SDHD: variants seen among roughly 807,000 people sequenced by gnomAD.
SDHD encodes the protein succinate dehydrogenase complex subunit D.
A neutral mutation model predicts 18.7 loss-of-function variants in SDHD; 6 were observed. That is an observed-to-expected ratio of 0.32 (90% CI 0.18 to 0.63). The LOEUF (loss-of-function observed/expected upper bound fraction) is 0.63. Ranked by LOEUF, SDHD falls within the 30% of genes least tolerant of loss-of-function variation. SDHD has a pLI of 0.79. For synonymous variants in SDHD, 56 were observed against 73.9 expected (o/e 0.76, Z 1.24); for missense variants, 160 against 192.7 (o/e 0.83, Z 1.00).
Position 112,089,177 on chromosome 11 carries a change from C to G in SDHD, c.314+166C>G, listed in dbSNP as rs181346227. 5 of 676,584 alleles carry G rather than the reference C, an allele frequency of 7.4e-6. No individual in the cohort carries two copies. The East Asian group carries it at 1.4e-4, about 19-fold the overall frequency. The allele number at this position is 676,584 out of a possible 1,614,324, so 41.9% of individuals were successfully genotyped here. On this transcript the variant is annotated intron_variant, in intron 3 of 3. Transcript: ENST00000375549. ...TGCCTAGATTTATATATCTGCCTGC[C>G]TATTCAATGTCTTTCAATTCGATTT...
In SDHD at chr11:112,086,933, C is replaced by A; in HGVS notation, c.26C>A (p.Ala9Asp). 6.2e-7 allele frequency: 1 copy of A among 1,614,176 alleles called. No individual in the cohort carries two copies. Among genetic ancestry groups the A allele is most frequent in the Non-Finnish European group, 8.5e-7 (1 of 1,180,038 alleles). Residue 9 changes from alanine to aspartate, a missense_variant, in exon 1 of 4, where the codon GCC becomes GAC. Physicochemically the swap from Ala to Asp is moderately radical, Grantham distance 126 (BLOSUM62 -2). Coordinates refer to ENST00000375549, the MANE Select transcript of SDHD (RefSeq NM_003002.4). ...ATGGCGGTTCTCTGGAGGCTGAGTG[C>A]CGTTTGCGGTGCCCTAGGAGGCCGA... MAVLWRLS[A>D]VCGALGGRAL...
chr11:112,088,832 C>T (rs201075295), intron 2 of SDHD, 35 bp from the exon 3 acceptor site: 3 of 1,611,620 alleles, frequency 1.9e-6, no homozygotes, highest in Admixed American at 1.7e-5. Flanking sequence ...GTGTGTTTCT[C>T]ACATCAACTT....
rs878854590 is a variant in SDHD at position 112,088,868 on chromosome 11, TG to T, written c.173del (p.Gly58AlafsTer28). On this transcript the variant is annotated frameshift_variant and splice_region_variant, in exon 3 of 4. Transcript: ENST00000375549. LOFTEE classifies it high-confidence loss of function. ...HIHLSPSHHS[G>X]SKAASLHWTS... ...TTATGAATCTGGTCCTTTTTGTAGC[TG>T]GCTCCAAGGCTGCATCTCTCCACTG... 6.2e-7 allele frequency: 1 copy of T among 1,612,220 alleles called. No individual in the cohort carries two copies. Among genetic ancestry groups the T allele is most frequent in the Non-Finnish European group, 8.5e-7 (1 of 1,179,886 alleles).
rs777286603 is a variant in SDHD at position 112,088,345 on chromosome 11, G to A, written c.169+372G>A. On this transcript the variant is annotated intron_variant, in intron 2 of 3. Transcript: ENST00000375549. ...CTCCCGACTAGCTGGGATTACAGGC[G>A]CCCACCACCATGCCCAGCTAAGTTT... is the stretch of plus-strand genomic sequence containing the variant. The A allele has an allele frequency of 3.2e-5, 11 of 348,458 alleles. 1 individual carries two copies. Among genetic ancestry groups the A allele is most frequent in the South Asian group, 6.8e-5 (3 of 43,838 alleles). 21.6% of individuals were successfully genotyped at this position (348,458 alleles called of 1,614,324 possible).
chr11:112,090,201 A>G (rs1286004342), intron 3 of SDHD, among the ~76,000 whole-genome samples: 1 of 152,076 alleles, frequency 6.6e-6, no homozygotes, highest in Non-Finnish European at 1.5e-5. Context: ...TCCGCCTCCC[A>G]GGTACAAGCG....
At chr11:112,089,826 T>TA (rs1266507274) in intron 3 of SDHD, among the ~76,000 whole-genome samples, 1 of 152,230 alleles carries the variant, frequency 6.6e-6, no homozygotes, top group African/African-American at 2.4e-5. Flanking sequence ...TTCTCAATAG[T>TA]ACTTACTGCC....
rs1592780438 is a variant in SDHD, at chr11:112,088,913, C to G, written c.216C>G (p.Val72=). 3 of 1,613,064 alleles carry G rather than the reference C, an allele frequency of 1.9e-6. No homozygotes were observed. The highest frequency in any genetic ancestry group is 2.5e-6 in the Non-Finnish European group (3 of 1,179,966). Residue 72 remains valine (V), a synonymous_variant, in exon 3 of 4, where the codon GTC becomes GTG. Coordinates refer to ENST00000375549, the MANE Select transcript of SDHD (RefSeq NM_003002.4). ...TCCACTGGACTAGCGAGAGGGTTGTCAGTGTTTTGCTCCTGGGTCTGCTTC... is the reference window on the plus strand; with the variant it reads ...TCCACTGGACTAGCGAGAGGGTTGTGAGTGTTTTGCTCCTGGGTCTGCTTC... ...ASLHWTSERV[V]SVLLLGLLPA... is the part of the protein sequence containing the mutation.
In SDHD at chr11:112,094,806, G is replaced by A. The variant is rs1865808938; in HGVS notation, c.316G>A (p.Gly106Ser). The A allele has an allele frequency of 6.2e-7, 1 of 1,611,250 alleles. No individual in the cohort carries two copies. Among genetic ancestry groups the A allele is most frequent in the South Asian group, 1.1e-5 (1 of 90,908 alleles). Residue 106 changes from glycine to serine, a missense_variant and splice_region_variant, in exon 4 of 4, where the codon GGC becomes AGC. Transcript: ENST00000375549. ...AAALTLHGHW[G>S]LGQVVTDYVH... is the part of the protein sequence containing the mutation. Reference sequence around the variant, plus strand: ...TTATGATTTTTTCTTTTTCTTTAGGGGCCTTGGACAAGTTGTTACTGACTA... The same window carrying A: ...TTATGATTTTTTCTTTTTCTTTAGGAGCCTTGGACAAGTTGTTACTGACTA...
chr11:112,089,584 C>G (rs539373307), intron 3 of SDHD, among the ~76,000 whole-genome samples: 1 of 152,334 alleles, frequency 6.6e-6, no homozygotes, highest in East Asian at 1.9e-4. Context: ...TGCTCTCTCT[C>G]TCATTCACAC....
intron 3 of SDHD, among the ~76,000 whole-genome samples, chr11:112,091,587 G>T (rs1356029910): frequency 6.6e-6 from 1 of 152,032 alleles, no homozygotes; most frequent in Non-Finnish European, 1.5e-5. Flanking sequence ...CATCCACTTG[G>T]ATGTCTGATA....
At chr11:112,092,990 T>G (rs1206898369) in intron 3 of SDHD, 1 of 196,446 alleles carries the variant, frequency 5.1e-6, no homozygotes, top group Non-Finnish European at 1.1e-5. Context: ...ATTGAAAACA[T>G]TATGCTAAGT....
rs202177931 is a variant in SDHD, at chr11:112,094,271, G to A, written c.315-534G>A. 2.2e-4 allele frequency among the ~76,000 whole-genome samples: 34 copies of A among 152,174 alleles called. No homozygotes were observed. In the East Asian group the frequency reaches 4.4e-3, roughly 20 times the overall value. On this transcript the variant is annotated intron_variant, in intron 3 of 3. Coordinates refer to ENST00000375549, the MANE Select transcript of SDHD (RefSeq NM_003002.4). The stretch of plus-strand genomic sequence containing the variant: ...AAATTAGCTGGGTGTGGTGGTGGGC[G>A]CCTGTAGTCCCAGCTACTTGGGAGG...
At position 112,088,188 on chromosome 11, in the gene SDHD, A is replaced by G. The variant is rs2135267913; in HGVS notation, c.169+215A>G. 6.8e-6 allele frequency: 4 copies of G among 591,998 alleles called. No homozygotes were observed. In the East Asian group the frequency reaches 1.2e-4, roughly 17 times the overall value. 36.7% of individuals were successfully genotyped at this position (591,998 alleles called of 1,614,324 possible). On this transcript the variant is annotated intron_variant, in intron 2 of 3. Coordinates refer to ENST00000375549, the MANE Select transcript of SDHD (RefSeq NM_003002.4). ...AAGACCTTCTAGCCTAAGTCTTTAC[A>G]AATTTTTTTCTTTTGTTTTCTTTTT...
chr11:112,092,980 A>G (rs1865772427), intron 3 of SDHD: 1 of 191,460 alleles, frequency 5.2e-6, no homozygotes, highest in Non-Finnish European at 1.1e-5. Context: ...ATGGATGAAC[A>G]TTGAAAACAT....
intron 3 of SDHD, among the ~76,000 whole-genome samples, chr11:112,091,903 C>G (rs570956984): frequency 3.3e-5 from 5 of 152,162 alleles, no homozygotes; most frequent in Non-Finnish European, 7.3e-5. Context: ...CTTGTCTCTA[C>G]TAATAATACA....
chr11:112,086,951 G>T lies in SDHD; in HGVS notation c.44G>T (p.Gly15Val). Reference protein sequence around the residue: ...WRLSAVCGALGGRALLLRTPV... With the variant: ...WRLSAVCGALVGRALLLRTPV... Reference sequence around the variant, plus strand: ...CTGAGTGCCGTTTGCGGTGCCCTAGGAGGCCGAGGTGAGGGGTCTTCCCAC... The same window carrying T: ...CTGAGTGCCGTTTGCGGTGCCCTAGTAGGCCGAGGTGAGGGGTCTTCCCAC... The change falls in exon 1 of 4, where the codon GGA becomes GTA. Residue 15 changes from glycine to valine, a missense_variant. Gly to Val is a moderately radical substitution (Grantham distance 109). Transcript: ENST00000375549. 1 of 1,614,192 alleles carries T rather than the reference G, an allele frequency of 6.2e-7. No homozygotes were observed.
intron 1 of SDHD, 108 bp downstream of exon 1, chr11:112,087,067 T>C: frequency 1.6e-6 from 2 of 1,263,810 alleles, no homozygotes; most frequent in Non-Finnish European, 2.3e-6. Context: ...GAGAAGAAAA[T>C]ACCGAAATCA....
At chr11:112,089,315 C>G (rs759243057) in intron 3 of SDHD, among the ~76,000 whole-genome samples, 2 of 152,136 alleles carry the variant, frequency 1.3e-5, no homozygotes, top group Non-Finnish European at 2.9e-5. Context: ...CCAGTTTTCT[C>G]TTTGTTCAAG....
chr11:112,093,218 C>T (rs1865780298), intron 3 of SDHD: 1 of 320,314 alleles, frequency 3.1e-6, no homozygotes, highest in Non-Finnish European at 6.3e-6. Flanking sequence ...AGGCATGTGC[C>T]ACCACGCCTG....
Sources: gnomAD v4.1 joint callset for allele counts (sites outside exome capture counted in the v4.1 genomes callset) on GRCh38, gnomAD v4.1.1 for gene constraint, MANE v1.5 for transcripts, NCBI Gene and HGNC (gene_info 2026-07-23, HGNC 2026-07-21) for gene names.